Variants in MDGA2 observed in about 807,000 individuals in gnomAD.
MDGA2 encodes the protein MAM domain containing glycosylphosphatidylinositol anchor 2.
A neutral mutation model predicts 117.8 loss-of-function variants in MDGA2; 40 were observed. The ratio of observed to expected loss-of-function variants is 0.34; its 90% CI spans 0.26 to 0.44. The LOEUF (loss-of-function observed/expected upper bound fraction) is 0.44, where lower values mean the gene tolerates loss of function less well. Ranked by LOEUF, MDGA2 falls within the 20% of genes least tolerant of loss-of-function variation. The probability of loss-of-function intolerance (pLI) is 1.00; values close to 1 mark genes in which losing one functional copy is unlikely to be tolerated. For synonymous variants in MDGA2, 452 were observed against 439.0 expected, an observed-to-expected ratio of 1.03 and a Z score of -0.37; for missense variants, 1,123 against 1,250.6, an observed-to-expected ratio of 0.90 and a Z score of 1.54.
chr14:47,275,908 T>C (rs1007474265), intron 2 of MDGA2, among the ~76,000 whole-genome samples: 1 of 152,232 alleles, frequency 6.6e-6, no homozygotes, highest in East Asian at 1.9e-4. Flanking sequence ...TGCATTAACT[T>C]TGTGTCCTCT....
At chr14:47,190,965 T>G (rs1885086918) in intron 3 of MDGA2, among the ~76,000 whole-genome samples, 1 of 152,106 alleles carries the variant, frequency 6.6e-6, no homozygotes, top group African/African-American at 2.4e-5. Context: ...TAAGCTCACT[T>G]TTTCGGGAGA....
chr14:47,067,000 A>G (rs35611759), intron 6 of MDGA2, among the ~76,000 whole-genome samples: 50,372 of 151,914 alleles, frequency 0.33, 8,994 homozygotes, highest in East Asian at 0.53. Context: ...CTGTAATCCC[A>G]GCTACTTGGG....
At chr14:47,328,640 C>T (rs1471283308) in intron 1 of MDGA2, among the ~76,000 whole-genome samples, 2 of 152,118 alleles carry the variant, frequency 1.3e-5, no homozygotes, top group African/African-American at 2.4e-5. Flanking sequence ...ACATATCCAA[C>T]TGTTTTGAAT....
chr14:46,854,937 A>G, intron 15 of MDGA2, 87 bp downstream of exon 15: 2 of 1,195,150 alleles, frequency 1.7e-6, no homozygotes, highest in Non-Finnish European at 2.3e-6. Context: ...GAATTTCTGA[A>G]TATTCATATT....
chr14:47,015,169 G>A (rs1354745051), intron 8 of MDGA2, among the ~76,000 whole-genome samples: 1 of 152,086 alleles, frequency 6.6e-6, no homozygotes, highest in African/African-American at 2.4e-5. Flanking sequence ...TTTTATGGGT[G>A]TGGTTCATGG....
At chr14:47,123,740 A>T (rs1196510664) in intron 5 of MDGA2, among the ~76,000 whole-genome samples, 1 of 152,232 alleles carries the variant, frequency 6.6e-6, no homozygotes, top group South Asian at 2.1e-4. Context: ...AGTCATCCAT[A>T]AAATGATCAT....
At chr14:46,921,209 T>G (rs1419648285) in intron 9 of MDGA2, among the ~76,000 whole-genome samples, 1 of 152,184 alleles carries the variant, frequency 6.6e-6, no homozygotes, top group Non-Finnish European at 1.5e-5. Context: ...TAATTACATT[T>G]TTTTTCCAGA....
At chr14:47,264,764 C>T (rs545155972) in intron 2 of MDGA2, among the ~76,000 whole-genome samples, 12 of 151,822 alleles carry the variant, frequency 7.9e-5, no homozygotes, top group South Asian at 4.2e-4. Context: ...GTAGTATACA[C>T]GTGCCATGGT....
At chr14:47,161,256 G>T (rs558566425) in intron 3 of MDGA2, among the ~76,000 whole-genome samples, 1 of 151,692 alleles carries the variant, frequency 6.6e-6, no homozygotes, top group Non-Finnish European at 1.5e-5. Context: ...AAATAATTAC[G>T]GCATTTTGAG....
At chr14:47,306,453 C>A (rs1889447709) in intron 1 of MDGA2, among the ~76,000 whole-genome samples, 1 of 151,944 alleles carries the variant, frequency 6.6e-6, no homozygotes, top group African/African-American at 2.4e-5. Flanking sequence ...TCAGTAATGG[C>A]GATGCTTCCT....
chr14:47,277,067 C>G (rs1028828), intron 2 of MDGA2, among the ~76,000 whole-genome samples: 129,505 of 152,058 alleles, frequency 0.85, 55,355 homozygotes, highest in East Asian at 0.93. Context: ...CAAGGGACAG[C>G]GAAGCTCTGA....
chr14:47,209,573 T>C (rs1885809286), intron 3 of MDGA2, among the ~76,000 whole-genome samples: 1 of 152,196 alleles, frequency 6.6e-6, no homozygotes, highest in Non-Finnish European at 1.5e-5. Flanking sequence ...AGGACTAAAC[T>C]GATTTAAAAG....
intron 13 of MDGA2, chr14:46,873,819 T>A (rs1882114695): frequency 6.9e-6 from 4 of 578,730 alleles, no homozygotes; most frequent in Middle Eastern, 4.8e-4. Context: ...AAATTTAGAC[T>A]TGAATTATCA....
At chr14:47,603,689 C>T (rs1272235797) in intron 1 of MDGA2, among the ~76,000 whole-genome samples, 3 of 152,012 alleles carry the variant, frequency 2.0e-5, no homozygotes, top group African/African-American at 7.2e-5. Flanking sequence ...CTTCTCCTAC[C>T]CAGCACCCAT....
At chr14:46,866,981 T>C (rs1268331063) in intron 14 of MDGA2, among the ~76,000 whole-genome samples, 1 of 152,060 alleles carries the variant, frequency 6.6e-6, no homozygotes, top group Non-Finnish European at 1.5e-5. Flanking sequence ...GAAGTCAGTG[T>C]GGCGATTCCT....
chr14:47,525,572 C>A lies in MDGA2; in HGVS notation c.280+148945G>T, dbSNP rs1894954671. 3.3e-5 allele frequency among the ~76,000 whole-genome samples: 5 copies of A among 152,048 alleles called. No homozygotes were observed. In the South Asian group the frequency reaches 1.0e-3, roughly 32 times the overall value. On this transcript the variant is annotated intron_variant, in intron 1 of 16. Transcript: ENST00000399232. ...TGGTGGCACACAGCTGTGGCCCCAG[C>A]TACTCAGGTGGCTAAGACAGGATAA...
At chr14:47,284,134 T>C (rs1888591737) in intron 2 of MDGA2, among the ~76,000 whole-genome samples, 1 of 152,176 alleles carries the variant, frequency 6.6e-6, no homozygotes, top group African/African-American at 2.4e-5. Flanking sequence ...CATCAAAATT[T>C]TGTTTTTCTA....
Position 47,454,086 on chromosome 14 carries a change from T to C in MDGA2, c.281-152536A>G, listed in dbSNP as rs528396527. On this transcript the variant is annotated intron_variant, in intron 1 of 16. Transcript: ENST00000399232. The stretch of plus-strand genomic sequence containing the variant: ...CATATTATAGATTATGTACTCCCTC[T>C]GCTACTAGAATTGTGAAAACGGCCC... Among the ~76,000 whole-genome samples the C allele has an allele frequency of 2.0e-5, 3 of 152,340 alleles. No individual in the cohort carries two copies. The East Asian group carries it at 5.8e-4, about 29-fold the overall frequency.
intron 1 of MDGA2, among the ~76,000 whole-genome samples, chr14:47,613,072 C>T (rs1241923766): frequency 6.6e-6 from 1 of 152,138 alleles, no homozygotes; most frequent in East Asian, 1.9e-4. Context: ...ACCTTCCAAA[C>T]ACCAGCCATT....
Sources: gnomAD v4.1 joint callset for allele counts (sites outside exome capture counted in the v4.1 genomes callset) on GRCh38, gnomAD v4.1.1 for gene constraint, MANE v1.5 for transcripts, NCBI Gene and HGNC (gene_info 2026-07-23, HGNC 2026-07-21) for gene names.